PTPRR: variants seen among roughly 807,000 people sequenced by gnomAD.
PTPRR encodes protein tyrosine phosphatase receptor type R.
In PTPRR, 38 loss-of-function variants were observed where a neutral mutation model predicts 77.2. The observed-to-expected ratio is 0.49, with a 90% CI of 0.38 to 0.65. The LOEUF (loss-of-function observed/expected upper bound fraction) is 0.65, where lower values mean the gene tolerates loss of function less well. Ranked by LOEUF, PTPRR falls within the 30% of genes least tolerant of loss-of-function variation. The pLI, the probability that PTPRR is intolerant of heterozygous loss-of-function variation, is 0.00. For synonymous variants in PTPRR, 299 were observed against 283.1 expected, an observed-to-expected ratio of 1.06 and a Z score of -0.57; for missense variants, 744 against 799.2, an observed-to-expected ratio of 0.93 and a Z score of 0.83.
chr12:70,920,027 T>C (rs1448688988), intron 1 of PTPRR, among the ~76,000 whole-genome samples: 1 of 151,804 alleles, frequency 6.6e-6, no homozygotes, highest in Admixed American at 6.6e-5. Context: ...GTGCATAGCC[T>C]AGAAACAAGA....
intron 2 of PTPRR, among the ~76,000 whole-genome samples, chr12:70,796,834 C>A (rs1381973006): frequency 1.3e-5 from 2 of 151,550 alleles, no homozygotes; most frequent in East Asian, 3.9e-4. Flanking sequence ...TCGAGACCAG[C>A]CTGACCAACA....
At chr12:70,918,565 G>GTCCTCATTT (rs1338163478) in intron 1 of PTPRR, among the ~76,000 whole-genome samples, 1 of 152,068 alleles carries the variant, frequency 6.6e-6, no homozygotes, top group Non-Finnish European at 1.5e-5. Flanking sequence ...ATGAGCAAAA[G>GTCCTCATTT]TCCTCATTTT....
intron 8 of PTPRR, among the ~76,000 whole-genome samples, chr12:70,689,987 G>A (rs908789593): frequency 6.6e-6 from 1 of 152,190 alleles, no homozygotes; most frequent in Non-Finnish European, 1.5e-5. Flanking sequence ...CTTATAGCAG[G>A]TGAGAGGAAG....
Position 70,769,632 on chromosome 12 carries a change from CTT to C in PTPRR, c.358-4856_358-4855del, listed in dbSNP as rs1187256477. Among the ~76,000 whole-genome samples, 10 of 152,206 alleles carry C rather than the reference CTT, an allele frequency of 6.6e-5. No homozygotes were observed. The East Asian group carries it at 9.7e-4, about 15-fold the overall frequency. The stretch of plus-strand genomic sequence containing the variant: ...GCCATCCCCATCAAGCTACCAATGA[CTT>C]TCTTCACAGAATTGGAAAAAACTAC... On this transcript the variant is annotated intron_variant, in intron 2 of 13. Coordinates refer to ENST00000283228, the MANE Select transcript of PTPRR (RefSeq NM_002849.4).
rs140200116 is a variant in PTPRR at position 70,832,844 on chromosome 12, C to T, written c.357+59835G>A. Reference sequence around the variant, plus strand: ...CTTCTGGTGAGTACTCAGAAAGCTTCTACTCATGGTGGGAGGTGAAGGGGG... The same window carrying T: ...CTTCTGGTGAGTACTCAGAAAGCTTTTACTCATGGTGGGAGGTGAAGGGGG... On this transcript the variant is annotated intron_variant, in intron 2 of 13. Coordinates refer to ENST00000283228, the MANE Select transcript of PTPRR (RefSeq NM_002849.4). 8.1e-4 allele frequency among the ~76,000 whole-genome samples: 123 copies of T among 152,212 alleles called. No homozygotes were observed. In the East Asian group the frequency reaches 0.021, roughly 26 times the overall value.
At position 70,831,477 on chromosome 12, in the gene PTPRR, T is replaced by C. The variant is rs533592310; in HGVS notation, c.357+61202A>G. On this transcript the variant is annotated intron_variant, in intron 2 of 13. Coordinates refer to ENST00000283228, the MANE Select transcript of PTPRR (RefSeq NM_002849.4). ...CCAGGCTGGTAAGAAAATTGAAAGG[T>C]GATTCAATCAGCCAGCAGGTGGAGA... Among the ~76,000 whole-genome samples the C allele has an allele frequency of 5.3e-5, 8 of 152,242 alleles. No homozygotes were observed. In the East Asian group the frequency reaches 1.5e-3, roughly 29 times the overall value.
intron 2 of PTPRR, among the ~76,000 whole-genome samples, chr12:70,811,106 A>T (rs1166785477): frequency 2.0e-5 from 3 of 152,006 alleles, no homozygotes; most frequent in Non-Finnish European, 4.4e-5. Context: ...AACACAAGAT[A>T]AAAAAAAGAG....
chr12:70,770,225 C>T (rs1362406790), intron 2 of PTPRR, among the ~76,000 whole-genome samples: 1 of 149,770 alleles, frequency 6.7e-6, no homozygotes, highest in Non-Finnish European at 1.5e-5. Flanking sequence ...AACAGGCAAC[C>T]TACAAAATGG....
rs59342087 is a variant in PTPRR at position 70,875,642 on chromosome 12, GA to G, written c.357+17036del. On this transcript the variant is annotated intron_variant, in intron 2 of 13. Transcript: ENST00000283228. ...AATGACTGGGATTTATTGCTAAGTA[GA>G]AAAAAAAAAAAAGACAGGGTCACAA... 3.6e-3 allele frequency among the ~76,000 whole-genome samples: 433 copies of G among 121,186 alleles called. 2 individuals are homozygous for G. Among genetic ancestry groups the G allele is most frequent in the Middle Eastern group, 9.5e-3 (2 of 210 alleles). The allele number at this position is 121,186 out of a possible 152,430, so 79.5% of individuals were successfully genotyped here.
intron 10 of PTPRR, chr12:70,672,698 C>T (rs1443174073): frequency 9.7e-6 from 15 of 1,543,980 alleles, no homozygotes; most frequent in African/African-American, 4.1e-5. Flanking sequence ...GAGCGGATAG[C>T]GTGGGTCTCC....
At chr12:70,648,007 T>C (rs1886261611) in intron 13 of PTPRR, among the ~76,000 whole-genome samples, 1 of 152,198 alleles carries the variant, frequency 6.6e-6, no homozygotes, top group Admixed American at 6.5e-5. Flanking sequence ...ACTTCCTCTC[T>C]CTTCATCTTG....
At chr12:70,665,995 T>C (rs1007958745) in intron 10 of PTPRR, among the ~76,000 whole-genome samples, 2 of 152,162 alleles carry the variant, frequency 1.3e-5, no homozygotes, top group African/African-American at 2.4e-5. Flanking sequence ...ATTATTACTA[T>C]AGCTACTTTT....
intron 7 of PTPRR, among the ~76,000 whole-genome samples, chr12:70,700,748 A>G (rs929092187): frequency 6.6e-6 from 1 of 152,150 alleles, no homozygotes; most frequent in Non-Finnish European, 1.5e-5. Context: ...CTAAACATAT[A>G]TTAAGGCTAG....
chr12:70,826,480 A>C (rs777955568), intron 2 of PTPRR, among the ~76,000 whole-genome samples: 4 of 152,168 alleles, frequency 2.6e-5, no homozygotes, highest in Non-Finnish European at 5.9e-5. Context: ...ACTCAATAGC[A>C]CTTAGGAAAC....
intron 6 of PTPRR, among the ~76,000 whole-genome samples, chr12:70,737,937 G>A (rs1203605318): frequency 6.6e-6 from 1 of 152,156 alleles, no homozygotes; most frequent in African/African-American, 2.4e-5. Flanking sequence ...GATCAGTGGA[G>A]GAATGATTAA....
intron 10 of PTPRR, among the ~76,000 whole-genome samples, chr12:70,670,852 C>A (rs1338613078): frequency 6.6e-6 from 1 of 152,190 alleles, no homozygotes; most frequent in Non-Finnish European, 1.5e-5. Context: ...AATGAAGGAA[C>A]TCAAACTTAC....
intron 2 of PTPRR, among the ~76,000 whole-genome samples, chr12:70,843,710 T>C (rs187315188): frequency 3.3e-5 from 5 of 152,214 alleles, no homozygotes; most frequent in Admixed American, 2.0e-4. Flanking sequence ...AACTGTTATA[T>C]AGAATGACTA....
chr12:70,878,389 C>CA (rs1160867921), intron 2 of PTPRR, among the ~76,000 whole-genome samples: 6 of 151,898 alleles, frequency 4.0e-5, no homozygotes, highest in African/African-American at 1.5e-4. Flanking sequence ...ACAATGAACT[C>CA]AAACAAATTT....
At chr12:70,681,642 G>A (rs529454306) in intron 10 of PTPRR, among the ~76,000 whole-genome samples, 1 of 152,250 alleles carries the variant, frequency 6.6e-6, no homozygotes, top group African/African-American at 2.4e-5. Flanking sequence ...ATTCCAGTGT[G>A]CTCCCTCAAA....
Sources: gnomAD v4.1 joint callset for allele counts (sites outside exome capture counted in the v4.1 genomes callset) on GRCh38, gnomAD v4.1.1 for gene constraint, MANE v1.5 for transcripts, NCBI Gene and HGNC (gene_info 2026-07-23, HGNC 2026-07-21) for gene names.